CACNB2: variants seen among roughly 807,000 people sequenced by gnomAD.
The protein encoded by CACNB2 is calcium voltage-gated channel auxiliary subunit beta 2, also known as voltage-dependent L-type calcium channel subunit beta-2.
CACNB2 carries 42 observed loss-of-function variants against 73.3 expected under a neutral mutation model. The observed-to-expected ratio is 0.57, with a 90% confidence interval of 0.45 to 0.74. The LOEUF is 0.74. CACNB2 is among the 30% of genes least tolerant of loss of function. The pLI is 0.00. For missense variants in CACNB2, 940 were observed against 853.0 expected (o/e 1.10, Z -1.27); for synonymous variants, 348 against 310.3 (o/e 1.12, Z -1.28).
chr10:18,482,215 C>T (rs2062177003), intron 3 of CACNB2, among the ~76,000 whole-genome samples: 2 of 152,144 alleles, frequency 1.3e-5, no homozygotes, highest in South Asian at 4.1e-4. Flanking sequence ...CAGAGACTAA[C>T]TGAGATATAT....
chr10:18,381,246 C>T (rs529312654), intron 2 of CACNB2, among the ~76,000 whole-genome samples: 47 of 151,086 alleles, frequency 3.1e-4, no homozygotes, highest in African/African-American at 9.7e-4. Flanking sequence ...CGGTGGCTCA[C>T]GCCTATAATC....
chr10:18,298,698 T>C (rs530122183), intron 2 of CACNB2, among the ~76,000 whole-genome samples: 14 of 152,202 alleles, frequency 9.2e-5, no homozygotes, highest in Non-Finnish European at 2.1e-4. Flanking sequence ...TTAGATGTCT[T>C]GACCAGCAGG....
chr10:18,482,871 T>C (rs1365432681), intron 3 of CACNB2, among the ~76,000 whole-genome samples: 1 of 152,194 alleles, frequency 6.6e-6, no homozygotes. Flanking sequence ...AGTTTATTTG[T>C]AGATGTTCCA....
At chr10:18,341,050 G>T (rs1335869209) in intron 2 of CACNB2, 1 of 1,479,282 alleles carries the variant, frequency 6.8e-7, no homozygotes, top group Non-Finnish European at 9.5e-7. Context: ...TAGAACTGTT[G>T]CCGAGCTTGA....
chr10:18,524,793 GGGA>G (rs1290081719), intron 9 of CACNB2, among the ~76,000 whole-genome samples: 9 of 151,536 alleles, frequency 5.9e-5, no homozygotes, highest in Non-Finnish European at 1.3e-4. Flanking sequence ...AGGAGGCTAA[GGGA>G]GGAGGACTGC....
chr10:18,519,201 A>G (rs1348963000), intron 9 of CACNB2, among the ~76,000 whole-genome samples: 2 of 152,224 alleles, frequency 1.3e-5, no homozygotes, highest in Non-Finnish European at 2.9e-5. Context: ...GACCTTGGGC[A>G]GGACACCACT....
intron 2 of CACNB2, among the ~76,000 whole-genome samples, chr10:18,216,792 G>A (rs906646542): frequency 5.3e-5 from 8 of 152,134 alleles, no homozygotes; most frequent in Non-Finnish European, 1.0e-4. Context: ...TTCCAAAACA[G>A]AGGTCTCATG....
chr10:18,227,929 A>T (rs2036061455), intron 2 of CACNB2, among the ~76,000 whole-genome samples: 1 of 152,190 alleles, frequency 6.6e-6, no homozygotes, highest in Admixed American at 6.5e-5. Context: ...CCAACATCAT[A>T]AATTTGATGA....
chr10:18,298,161 G>A (rs540713117), intron 2 of CACNB2, among the ~76,000 whole-genome samples: 101 of 152,256 alleles, frequency 6.6e-4, no homozygotes, highest in Non-Finnish European at 1.0e-3. Context: ...CTGAGGTCAG[G>A]AGTTCAAGAC....
At chr10:18,175,906 T>C (rs1002870297) in intron 2 of CACNB2, among the ~76,000 whole-genome samples, 3 of 152,172 alleles carry the variant, frequency 2.0e-5, no homozygotes, top group African/African-American at 4.8e-5. Context: ...CCTCTGGCTT[T>C]TTAGGTTCAG....
At position 18,225,374 on chromosome 10, in the gene CACNB2, C is replaced by T. The variant is rs561718373; in HGVS notation, c.213+74399C>T. ...AGGTCACCTCAAAATATTACAACAGCCTTTCATGATAAATATTAGATGCCC... is the reference window on the plus strand; with the variant it reads ...AGGTCACCTCAAAATATTACAACAGTCTTTCATGATAAATATTAGATGCCC... On this transcript the variant is annotated intron_variant, in intron 2 of 13. Coordinates refer to ENST00000324631, the MANE Select transcript of CACNB2 (RefSeq NM_201596.3). Among the ~76,000 whole-genome samples, 10 of 152,152 alleles carry T rather than the reference C, an allele frequency of 6.6e-5. No homozygotes were observed. In the East Asian group the frequency reaches 1.2e-3, roughly 18 times the overall value.
chr10:18,349,874 A>G (rs1448059616), intron 2 of CACNB2, among the ~76,000 whole-genome samples: 3 of 152,216 alleles, frequency 2.0e-5, no homozygotes, highest in East Asian at 1.9e-4. Flanking sequence ...TTAAAATACA[A>G]TTTAATAAAA....
chr10:18,352,550 A>G (rs2132145922), intron 2 of CACNB2, among the ~76,000 whole-genome samples: 1 of 152,368 alleles, frequency 6.6e-6, no homozygotes, highest in Middle Eastern at 3.4e-3. Context: ...TCCATTTTTA[A>G]GCACTCTTGT....
intron 2 of CACNB2, among the ~76,000 whole-genome samples, chr10:18,228,122 G>C (rs968219982): frequency 6.6e-6 from 1 of 152,076 alleles, no homozygotes; most frequent in Non-Finnish European, 1.5e-5. Context: ...TGGTTCATTT[G>C]GGGGGAAAAA....
At chr10:18,271,756 G>A (rs545180365) in intron 2 of CACNB2, among the ~76,000 whole-genome samples, 1 of 152,230 alleles carries the variant, frequency 6.6e-6, no homozygotes, top group East Asian at 1.9e-4. Context: ...CCAGACTCCT[G>A]TGTGTGTTCT....
intron 3 of CACNB2, among the ~76,000 whole-genome samples, chr10:18,445,382 A>G (rs9299787): frequency 0.68 from 102,670 of 152,084 alleles, 35,164 homozygotes; most frequent in South Asian, 0.74. Context: ...TGCACTTTAA[A>G]GAAGAATGTG....
chr10:18,151,273 G>GT (rs111647206), intron 2 of CACNB2: 17,787 of 196,918 alleles, frequency 0.09, 66 homozygotes, highest in South Asian at 0.15. Context: ...TGGGGGGATT[G>GT]TTTTTTTTTT....
At chr10:18,282,548 A>G (rs1056360950) in intron 2 of CACNB2, among the ~76,000 whole-genome samples, 40 of 152,212 alleles carry the variant, frequency 2.6e-4, no homozygotes, top group African/African-American at 9.4e-4. Flanking sequence ...GACCTGCCTT[A>G]CAGATTGTTA....
At chr10:18,264,126 A>G (rs2037680937) in intron 2 of CACNB2, among the ~76,000 whole-genome samples, 1 of 152,216 alleles carries the variant, frequency 6.6e-6, no homozygotes, top group Non-Finnish European at 1.5e-5. Flanking sequence ...TGACATTTGC[A>G]TGCTTTGGAG....
Sources: allele counts gnomAD v4.1 joint callset (sites outside exome capture counted in the v4.1 genomes callset), GRCh38; gene constraint gnomAD v4.1.1; transcripts MANE v1.5; gene names NCBI Gene and HGNC (gene_info 2026-07-23, HGNC 2026-07-21).